The following HECW1 variants were observed in gnomAD, a reference collection of about 807,000 sequenced individuals.
HECW1 encodes HECT, C2 and WW domain containing E3 ubiquitin protein ligase 1.
Under a neutral mutation model 182.3 loss-of-function variants are expected in HECW1, and 61 were observed. That is an observed-to-expected ratio of 0.33 (90% CI 0.27 to 0.41). HECW1 has a LOEUF of 0.41. HECW1 is among the 10% of genes least tolerant of loss of function. The probability of loss-of-function intolerance (pLI) is 1.00; values close to 1 mark genes in which losing one functional copy is unlikely to be tolerated. For missense variants in HECW1, 1,739 were observed against 2,108.9 expected (o/e 0.82, Z 3.44); for synonymous variants, 859 against 832.6 (o/e 1.03, Z -0.55).
intron 2 of HECW1, among the ~76,000 whole-genome samples, chr7:43,236,868 C>T (rs540722919): frequency 3.9e-4 from 60 of 152,164 alleles, no homozygotes; most frequent in African/African-American, 1.1e-3. Flanking sequence ...TTTGTAGCTG[C>T]CTTATTTAGG....
Position 43,500,722 on chromosome 7 carries a change from C to G in HECW1, c.3461C>G (p.Thr1154Ser). ...TLREKIHYIR[T>S]EGNHGLEKLS... ...AGGGAGAAAATCCATTACATTCGGA[C>G]TGAGGGTAATCACGGGCTTGAGAAG... The change falls in exon 20 of 30, where the codon ACT becomes AGT. Residue 1154 changes from threonine (T) to serine (S), a missense_variant. Around this residue, in one of 5 missense-constraint regions of HECW1, gnomAD observed 420 missense variants for 595.7 expected, o/e 0.71. Coordinates refer to ENST00000395891, the MANE Select transcript of HECW1 (RefSeq NM_015052.5). 1 of 1,613,762 alleles carries G rather than the reference C, an allele frequency of 6.2e-7. No homozygotes were observed. Among genetic ancestry groups the G allele is most frequent in the Non-Finnish European group, 8.5e-7 (1 of 1,179,718 alleles).
At position 43,279,837 on chromosome 7, in the gene HECW1, G is replaced by C. The variant is rs972307615; in HGVS notation, c.28-31926G>C. ...ATGTTGCTTGAGAACAGGGACCATT[G>C]CTTGTTTTGTCTAAACCACAGCAGT... On this transcript the variant is annotated intron_variant, in intron 3 of 29. Coordinates refer to ENST00000395891, the MANE Select transcript of HECW1 (RefSeq NM_015052.5). Among the ~76,000 whole-genome samples the C allele has an allele frequency of 2.6e-5, 4 of 152,278 alleles. No individual in the cohort carries two copies. In the South Asian group the frequency reaches 8.3e-4, roughly 32 times the overall value.
At chr7:43,134,408 A>G (rs937183896) in intron 2 of HECW1, among the ~76,000 whole-genome samples, 4 of 151,748 alleles carry the variant, frequency 2.6e-5, no homozygotes, top group Non-Finnish European at 5.9e-5. Context: ...AAAAAAAAAA[A>G]AAAAAAAGAA....
At chr7:43,399,286 T>A (rs995040486) in intron 7 of HECW1, among the ~76,000 whole-genome samples, 1 of 152,208 alleles carries the variant, frequency 6.6e-6, no homozygotes, top group Non-Finnish European at 1.5e-5. Flanking sequence ...AGCTTATAGG[T>A]TAGACGCAAG....
chr7:43,365,371 T>C (rs926464707), intron 6 of HECW1, among the ~76,000 whole-genome samples: 9 of 152,022 alleles, frequency 5.9e-5, no homozygotes, highest in Non-Finnish European at 7.4e-5. Context: ...AGATAGAAAA[T>C]AGGTAGCTGG....
chr7:43,560,361 A>G (rs1444338477), intron 29 of HECW1, among the ~76,000 whole-genome samples: 3 of 152,160 alleles, frequency 2.0e-5, no homozygotes, highest in Non-Finnish European at 4.4e-5. Flanking sequence ...GCCAATCTGT[A>G]TTCGTATGTT....
chr7:43,194,938 C>T (rs979665621), intron 2 of HECW1, among the ~76,000 whole-genome samples: 1 of 152,134 alleles, frequency 6.6e-6, no homozygotes, highest in African/African-American at 2.4e-5. Flanking sequence ...AGGTAATCCG[C>T]CCTTCTTGGC....
intron 13 of HECW1, among the ~76,000 whole-genome samples, chr7:43,458,040 C>T (rs537559864): frequency 2.6e-5 from 4 of 152,256 alleles, no homozygotes; most frequent in African/African-American, 9.6e-5. Context: ...GAGAGGAAGT[C>T]CTGATAACCC....
At chr7:43,247,730 G>GA (rs1266408060) in intron 3 of HECW1, among the ~76,000 whole-genome samples, 1 of 126,554 alleles carries the variant, frequency 7.9e-6, no homozygotes, top group Non-Finnish European at 1.6e-5. Context: ...AAGGAAGGAA[G>GA]AAAGGAAGGA....
At position 43,407,547 on chromosome 7, in the gene HECW1, TC is replaced by T. The variant is rs1408910985; in HGVS notation, c.632-13del. On this transcript the variant is annotated splice_polypyrimidine_tract_variant and intron_variant, in intron 7 of 29. Transcript: ENST00000395891. ...CCTAAAACATATTTAAATTAAAGTATCCTTTATTTTATAGATTTCCAAGCCA... is the reference window on the plus strand; with the variant it reads ...CCTAAAACATATTTAAATTAAAGTATCTTTATTTTATAGATTTCCAAGCCA... The T allele has an allele frequency of 6.3e-7, 1 of 1,593,500 alleles. No homozygotes were observed. The highest frequency in any genetic ancestry group is 8.6e-7 in the Non-Finnish European group (1 of 1,165,746).
At position 43,164,776 on chromosome 7, in the gene HECW1, T is replaced by C. The variant is rs780661266; in HGVS notation, c.-32+50385T>C. Among the ~76,000 whole-genome samples, 84 of 152,286 alleles carry C rather than the reference T, an allele frequency of 5.5e-4. 2 individuals carry two copies. The Middle Eastern group carries it at 0.017, about 31-fold the overall frequency. ...TCAGATCTCCAGGACTGATGGTGCA[T>C]GTGAGGCAAGTGCAGACTCTTCCAG... is the stretch of plus-strand genomic sequence containing the variant. On this transcript the variant is annotated intron_variant, in intron 2 of 29. Transcript: ENST00000395891.
intron 3 of HECW1, chr7:43,245,365 C>T (rs894937917): frequency 1.3e-5 from 2 of 152,286 alleles, no homozygotes; most frequent in Middle Eastern, 3.4e-3. Context: ...CCTTGGACTT[C>T]GGTGTTTTCT....
intron 2 of HECW1, among the ~76,000 whole-genome samples, chr7:43,234,926 G>A (rs1798190496): frequency 6.6e-6 from 1 of 152,232 alleles, no homozygotes; most frequent in Non-Finnish European, 1.5e-5. Flanking sequence ...TGAAATAAAT[G>A]CTGAATAAGG....
chr7:43,453,476 T>C (rs2077301560), intron 12 of HECW1, among the ~76,000 whole-genome samples: 1 of 152,180 alleles, frequency 6.6e-6, no homozygotes, highest in African/African-American at 2.4e-5. Context: ...GATCCAACAC[T>C]TGGTTTCGAT....
At chr7:43,420,991 C>T (rs929463349) in intron 8 of HECW1, among the ~76,000 whole-genome samples, 2 of 151,716 alleles carry the variant, frequency 1.3e-5, no homozygotes, top group Non-Finnish European at 2.9e-5. Flanking sequence ...GTAAGAGAGT[C>T]TTGAAAAAGA....
intron 3 of HECW1, among the ~76,000 whole-genome samples, chr7:43,289,249 G>A (rs950092576): frequency 6.6e-6 from 1 of 152,108 alleles, no homozygotes; most frequent in Admixed American, 6.5e-5. Context: ...TGGGATTACA[G>A]GCATGTGCCA....
Position 43,119,704 on chromosome 7 carries a change from G to T in HECW1, c.-32+5313G>T, listed in dbSNP as rs936933844. ...AACCCCCGATTTTTGCTCCCTAAAC[G>T]TGCTTCTCTTCTGGTGTCCTCCATC... is the stretch of plus-strand genomic sequence containing the variant. On this transcript the variant is annotated intron_variant, in intron 2 of 29. Transcript: ENST00000395891. 2.4e-4 allele frequency among the ~76,000 whole-genome samples: 37 copies of T among 151,916 alleles called. No individual in the cohort carries two copies. In the East Asian group the frequency reaches 2.5e-3, roughly 10 times the overall value.
chr7:43,161,876 A>G (rs1363081335), intron 2 of HECW1, among the ~76,000 whole-genome samples: 2 of 152,202 alleles, frequency 1.3e-5, no homozygotes, highest in African/African-American at 2.4e-5. Context: ...CCTCTGTGCT[A>G]TAACTGCAAT....
intron 12 of HECW1, among the ~76,000 whole-genome samples, chr7:43,455,085 G>A (rs1039080993): frequency 6.6e-6 from 1 of 152,022 alleles, no homozygotes; most frequent in African/African-American, 2.4e-5. Flanking sequence ...GCCCCTGCCT[G>A]TATTATGTAG....
Sources: allele counts gnomAD v4.1 joint callset (sites outside exome capture counted in the v4.1 genomes callset), GRCh38; gene constraint gnomAD v4.1.1; regional missense constraint gnomAD v4.1.1; transcripts MANE v1.5; gene names NCBI Gene and HGNC (gene_info 2026-07-23, HGNC 2026-07-21).